The following IL1RAPL1 variants were observed in gnomAD, a reference collection of about 807,000 sequenced individuals.
IL1RAPL1 encodes interleukin 1 receptor accessory protein like 1.
A neutral mutation model predicts 48.4 loss-of-function variants in IL1RAPL1; 3 were observed. The ratio of observed to expected loss-of-function variants is 0.06; its 90% CI spans 0.03 to 0.16. The LOEUF is 0.16. Ranked by LOEUF, IL1RAPL1 falls within the 10% of genes least tolerant of loss-of-function variation. IL1RAPL1 has a pLI of 1.00. For missense variants in IL1RAPL1, 349 were observed against 530.6 expected (o/e 0.66, Z 3.36); for synonymous variants, 185 against 187.7 (o/e 0.99, Z 0.12).
chrX:29,692,334 G>A (rs1423189334), intron 6 of IL1RAPL1, among the ~76,000 whole-genome samples: 1 of 111,648 alleles, frequency 9.0e-6, no homozygotes, highest in Non-Finnish European at 1.9e-5. Context: ...ACACAAATAT[G>A]CATTTCCTGC....
intron 5 of IL1RAPL1, among the ~76,000 whole-genome samples, chrX:29,562,120 A>ATCTATCTG (rs766907144): frequency 4.8e-3 from 103 of 21,675 alleles, no homozygotes; most frequent in Non-Finnish European, 8.1e-3. Context: ...TATCTAATCT[A>ATCTATCTG]TCTATCTATC....
intron 6 of IL1RAPL1, among the ~76,000 whole-genome samples, chrX:29,874,754 AC>A (rs756713624): frequency 8.9e-6 from 1 of 112,519 alleles, no homozygotes; most frequent in African/African-American, 3.2e-5. Flanking sequence ...GGTGATTGAT[AC>A]ATTTCGACAA....
At chrX:29,328,870 CATT>C (rs1569286733) in intron 3 of IL1RAPL1, among the ~76,000 whole-genome samples, 5 of 110,466 alleles carry the variant, frequency 4.5e-5, no homozygotes, top group Non-Finnish European at 5.7e-5. Flanking sequence ...CTTTTCCTCT[CATT>C]ATTTAAATTT....
At chrX:29,748,663 G>C (rs1157124138) in intron 6 of IL1RAPL1, among the ~76,000 whole-genome samples, 1 of 112,853 alleles carries the variant, frequency 8.9e-6, no homozygotes, top group East Asian at 2.8e-4. Flanking sequence ...TAGGTTTTTG[G>C]CCCCCAGGCC....
At chrX:29,720,756 A>G (rs1433642214) in intron 6 of IL1RAPL1, among the ~76,000 whole-genome samples, 6 of 112,138 alleles carry the variant, frequency 5.4e-5, no homozygotes, top group African/African-American at 1.9e-4. Context: ...GAAGTATAAT[A>G]AAAAATAAAT....
At chrX:29,259,406 T>A (rs1485139302) in intron 2 of IL1RAPL1, among the ~76,000 whole-genome samples, 1 of 111,358 alleles carries the variant, frequency 9.0e-6, no homozygotes, top group Non-Finnish European at 1.9e-5. Context: ...TATATACTAT[T>A]AAATAAATGG....
At chrX:29,398,620 G>A (rs1045678296) in intron 4 of IL1RAPL1, among the ~76,000 whole-genome samples, 1 of 112,109 alleles carries the variant, frequency 8.9e-6, no homozygotes, top group African/African-American at 3.2e-5. Context: ...TTTACTAAAT[G>A]CAAAACTAAA....
intron 2 of IL1RAPL1, among the ~76,000 whole-genome samples, chrX:29,222,141 C>T (rs1051935085): frequency 4.5e-5 from 5 of 110,069 alleles, no homozygotes; most frequent in African/African-American, 1.7e-4. Flanking sequence ...CACCATTTTT[C>T]CCCGGTGCAA....
rs1927343742 is a variant in IL1RAPL1, at chrX:29,061,648, AG to A, written c.83-221287del. Among the ~76,000 whole-genome samples, 3 of 111,709 alleles carry A rather than the reference AG, an allele frequency of 2.7e-5. No individual in the cohort carries two copies. In the South Asian group the frequency reaches 1.1e-3, roughly 42 times the overall value. On this transcript the variant is annotated intron_variant, in intron 2 of 10. Transcript: ENST00000378993. Reference sequence around the variant, plus strand: ...TAATTTTTGTATTTTTAGTGGAGACAGGGTTTCACCATTTTGGCCAGGCTGC... The same window carrying A: ...TAATTTTTGTATTTTTAGTGGAGACAGGTTTCACCATTTTGGCCAGGCTGC...
At chrX:29,252,375 T>C (rs1463800151) in intron 2 of IL1RAPL1, among the ~76,000 whole-genome samples, 1 of 113,940 alleles carries the variant, frequency 8.8e-6, no homozygotes, top group African/African-American at 3.2e-5. Context: ...GATCACTAGA[T>C]TTCTCTATCA....
chrX:28,956,418 T>A (rs1040364647), intron 2 of IL1RAPL1, among the ~76,000 whole-genome samples: 2 of 110,868 alleles, frequency 1.8e-5, no homozygotes, highest in African/African-American at 3.3e-5. Flanking sequence ...TAGCTGTTAT[T>A]ATTTTGAGAT....
chrX:29,532,034 G>T (rs753532520), intron 5 of IL1RAPL1, among the ~76,000 whole-genome samples: 1 of 111,082 alleles, frequency 9.0e-6, no homozygotes, highest in East Asian at 2.8e-4. Flanking sequence ...CGCGGGGAGA[G>T]GGGGGGCGCA....
rs188791013 is a variant in IL1RAPL1 at position 28,730,124 on chromosome X, A to G, written c.-24-59196A>G. On this transcript the variant is annotated intron_variant, in intron 1 of 10. Transcript: ENST00000378993. ...TAAAGATAGTAAAACTCTGTTTCAG[A>G]AAGCTTATCCATTTGCTGAAGTTTG... Among the ~76,000 whole-genome samples, 26 of 111,945 alleles carry G rather than the reference A, an allele frequency of 2.3e-4. No individual in the cohort carries two copies. In the East Asian group the frequency reaches 6.7e-3, roughly 29 times the overall value.
intron 9 of IL1RAPL1, among the ~76,000 whole-genome samples, chrX:29,951,139 G>A (rs1056392852): frequency 8.9e-6 from 1 of 111,770 alleles, no homozygotes; most frequent in Admixed American, 9.5e-5. Context: ...GAAATGATCC[G>A]AGTCTTGAGA....
intron 5 of IL1RAPL1, among the ~76,000 whole-genome samples, chrX:29,540,261 CA>C (rs201495999): frequency 2.2e-3 from 218 of 98,641 alleles, no homozygotes; most frequent in East Asian, 4.1e-3. Context: ...TAAAATATTG[CA>C]AAAAAAAAAA....
At chrX:29,791,463 G>C (rs1267763320) in intron 6 of IL1RAPL1, among the ~76,000 whole-genome samples, 2 of 97,118 alleles carry the variant, frequency 2.1e-5, no homozygotes, top group Admixed American at 2.3e-4. Flanking sequence ...TGCTCTTGTT[G>C]CCCAGGCTGG....
rs1479209109 is a variant in IL1RAPL1 at position 29,406,960 on chromosome X, G to A, written c.703+7652G>A. Among the ~76,000 whole-genome samples, 4 of 112,077 alleles carry A rather than the reference G, an allele frequency of 3.6e-5. No homozygotes were observed. The Admixed American group carries it at 3.8e-4, about 11-fold the overall frequency. ...ATTGTTTAAAATGTTATATTTAAAA[G>A]GCTCTGTATAAAGCTGTGTAATATG... On this transcript the variant is annotated intron_variant, in intron 5 of 10. Coordinates refer to ENST00000378993, the MANE Select transcript of IL1RAPL1 (RefSeq NM_014271.4).
chrX:29,903,561 A>G (rs968252361), intron 6 of IL1RAPL1, among the ~76,000 whole-genome samples: 3 of 111,431 alleles, frequency 2.7e-5, no homozygotes, highest in Non-Finnish European at 1.9e-5. Context: ...AGTAAGTTAG[A>G]GAGTGTCCTC....
intron 2 of IL1RAPL1, among the ~76,000 whole-genome samples, chrX:28,977,266 G>T (rs1460224135): frequency 8.9e-6 from 1 of 112,236 alleles, no homozygotes; most frequent in Admixed American, 9.4e-5. Flanking sequence ...TCACAGTTCT[G>T]CAGGCTGTAC....
Sources: gnomAD v4.1 joint callset for allele counts (sites outside exome capture counted in the v4.1 genomes callset) on GRCh38, gnomAD v4.1.1 for gene constraint, MANE v1.5 for transcripts, NCBI Gene and HGNC (gene_info 2026-07-23, HGNC 2026-07-21) for gene names.